The following FAM149A variants were observed in gnomAD, a reference collection of about 807,000 sequenced individuals.
FAM149A encodes the protein family with sequence similarity 149 member A.
A neutral mutation model predicts 78.2 loss-of-function variants in FAM149A; 71 were observed. The observed-to-expected ratio is 0.91, with a 90% CI of 0.75 to 1.11. The LOEUF is 1.11. Ranked by LOEUF, FAM149A falls within the 50% of genes least tolerant of loss-of-function variation. The pLI is 0.00. For synonymous variants in FAM149A, 446 were observed against 410.5 expected (o/e 1.09, Z -1.04); for missense variants, 1,036 against 971.0 (o/e 1.07, Z -0.89).
In FAM149A at chr4:186,160,725, TCACCACACCCCACACACACCA is replaced by T. The variant is rs1373937382; in HGVS notation, c.1576-2110_1576-2090del. ...CACTACCACACACCACACACACACC[TCACCACACCCCACACACACCA>T]CACCACACCACACACACACCACATC... On this transcript the variant is annotated intron_variant, in intron 8 of 13. Transcript: ENST00000389354. 1,126 of 860,858 alleles carry T rather than the reference TCACCACACCCCACACACACCA, an allele frequency of 1.3e-3. 8 individuals are homozygous for T. In the Middle Eastern group the frequency reaches 0.021, roughly 16 times the overall value. 53.3% of individuals were successfully genotyped at this position (860,858 alleles called of 1,614,324 possible).
rs1001827252 is a variant in FAM149A, at chr4:186,133,142, C to T, written c.567-16031C>T. Reference sequence around the variant, plus strand: ...AGTCATGTATTGTCTCGACTTCTTTCCACCCTACACACTACATTCTGCAAG... The same window carrying T: ...AGTCATGTATTGTCTCGACTTCTTTTCACCCTACACACTACATTCTGCAAG... On this transcript the variant is annotated intron_variant, in intron 1 of 13. Transcript: ENST00000389354. 18 of 985,350 alleles carry T rather than the reference C, an allele frequency of 1.8e-5. No individual in the cohort carries two copies. In the Admixed American group the frequency reaches 6.1e-4, roughly 34 times the overall value. 61.0% of individuals were successfully genotyped at this position (985,350 alleles called of 1,614,324 possible).
chr4:186,151,067 C>A (rs1473290351), intron 3 of FAM149A: 2 of 985,312 alleles, frequency 2.0e-6, no homozygotes, highest in Non-Finnish European at 2.4e-6. Flanking sequence ...CTTCTGTCCG[C>A]AGCTGTGCAG....
chr4:186,137,600 T>A (rs2099324012), intron 1 of FAM149A, among the ~76,000 whole-genome samples: 1 of 152,086 alleles, frequency 6.6e-6, no homozygotes, highest in African/African-American at 2.4e-5. Flanking sequence ...TTTTTTTTTT[T>A]ATAGTGATGA....
intron 5 of FAM149A, among the ~76,000 whole-genome samples, 195 bp downstream of exon 5, chr4:186,153,965 T>G (rs1429362421): frequency 1.3e-5 from 2 of 152,316 alleles, no homozygotes; most frequent in Admixed American, 1.3e-4. Flanking sequence ...TGTGTGTATA[T>G]AGAGAGATGT....
chr4:186,130,324 C>T (rs1381026173), intron 1 of FAM149A, among the ~76,000 whole-genome samples: 7 of 62,734 alleles, frequency 1.1e-4, no homozygotes, highest in Non-Finnish European at 2.3e-4. Flanking sequence ...TAATCTATAT[C>T]GACAGAACTA....
rs1006293989 is a variant in FAM149A at position 186,169,376 on chromosome 4, A to G, written c.2218+2114A>G. On this transcript the variant is annotated intron_variant, in intron 13 of 13. Coordinates refer to ENST00000389354, the MANE Select transcript of FAM149A (RefSeq NM_001367768.3). ...AGGCGTGACCTGTGATGTTGGTGCA[A>G]TGAGGCGCGTGCCCCATGCAGACGT... 57 of 985,414 alleles carry G rather than the reference A, an allele frequency of 5.8e-5. No homozygotes were observed. The African/African-American group carries it at 6.3e-4, about 11-fold the overall frequency. 61.0% of individuals were successfully genotyped at this position (985,414 alleles called of 1,614,324 possible).
chr4:186,123,866 T>C (rs2099317079), intron 1 of FAM149A: 1 of 978,420 alleles, frequency 1.0e-6, no homozygotes, highest in Non-Finnish European at 1.2e-6. Flanking sequence ...AATATTTATG[T>C]GACAATCACT....
At position 186,105,042 on chromosome 4, in the gene FAM149A, G is replaced by A; in HGVS notation, c.-35G>A. 1 of 1,263,824 alleles carries A rather than the reference G, an allele frequency of 7.9e-7. No homozygotes were observed. Among genetic ancestry groups the A allele is most frequent in the Non-Finnish European group, 1.0e-6 (1 of 977,752 alleles). 78.3% of individuals were successfully genotyped at this position (1,263,824 alleles called of 1,614,324 possible). On this transcript the variant is annotated 5_prime_UTR_variant, in exon 1 of 14. Transcript: ENST00000389354. ...CGGATCTCCGCGGTCTGAACTCTCG[G>A]GCGGCGGCGAGGACGGCGTGTCCAC...
At chr4:186,143,140 C>T (rs906655407) in intron 1 of FAM149A, among the ~76,000 whole-genome samples, 3 of 132,096 alleles carry the variant, frequency 2.3e-5, no homozygotes, top group Non-Finnish European at 4.7e-5. Flanking sequence ...ACTTTGTGTT[C>T]GATTTTTACT....
chr4:186,148,914 T>A (rs1733249964), intron 1 of FAM149A, among the ~76,000 whole-genome samples: 1 of 151,998 alleles, frequency 6.6e-6, no homozygotes, highest in Admixed American at 6.6e-5. Flanking sequence ...TCAGTTCACA[T>A]AAAGGTACAT....
intron 3 of FAM149A, among the ~76,000 whole-genome samples, chr4:186,150,203 A>T (rs996932743): frequency 2.6e-5 from 4 of 151,842 alleles, no homozygotes; most frequent in African/African-American, 9.7e-5. Context: ...CTCTGCCTCC[A>T]CTGCTCCAGC....
chr4:186,128,482 AAACC>A (rs914124267), intron 1 of FAM149A, among the ~76,000 whole-genome samples: 2 of 151,940 alleles, frequency 1.3e-5, no homozygotes, highest in Non-Finnish European at 2.9e-5. Context: ...ATAAAAAAAA[AAACC>A]AAAAAGAGCA....
chr4:186,108,922 A>C (rs1461950874), intron 1 of FAM149A, among the ~76,000 whole-genome samples: 1 of 147,546 alleles, frequency 6.8e-6, no homozygotes, highest in Admixed American at 6.9e-5. Context: ...ATCTCGGCTC[A>C]CTGCAAGCTC....
chr4:186,148,392 A>G lies in FAM149A; in HGVS notation c.567-781A>G, dbSNP rs571134784. Among the ~76,000 whole-genome samples the G allele has an allele frequency of 4.6e-5, 7 of 152,370 alleles. No individual in the cohort carries two copies. In the East Asian group the frequency reaches 9.6e-4, roughly 21 times the overall value. On this transcript the variant is annotated intron_variant, in intron 1 of 13. Transcript: ENST00000389354. ...TTGAAGTTTTTCCTGATTCATGACC[A>G]TATCTTATGTTAATATATGTTTTAT...
At position 186,104,788 on chromosome 4, in the gene FAM149A, C is replaced by T. The variant is rs1311316265; in HGVS notation, c.-289C>T. Among the ~76,000 whole-genome samples the T allele has an allele frequency of 2.8e-5, 4 of 145,318 alleles. No individual in the cohort carries two copies. The highest frequency in any genetic ancestry group is 8.1e-5 in the African/African-American group (3 of 37,114). On this transcript the variant is annotated 5_prime_UTR_variant, in exon 1 of 14. Transcript: ENST00000389354. Reference sequence around the variant, plus strand: ...GCGGGCGTCTGGGGCGGGCGGCGGCCGCGCTTCCCGGGGCTCCTGGCCCTT... The same window carrying T: ...GCGGGCGTCTGGGGCGGGCGGCGGCTGCGCTTCCCGGGGCTCCTGGCCCTT...
chr4:186,160,913 C>T, intron 8 of FAM149A: 1 of 976,218 alleles, frequency 1.0e-6, no homozygotes, highest in Non-Finnish European at 1.2e-6. Context: ...GTAAATCAGT[C>T]CCTGTTTCTC....
chr4:186,146,987 C>CA, intron 1 of FAM149A: 1 of 985,156 alleles, frequency 1.0e-6, no homozygotes, highest in Non-Finnish European at 1.2e-6. Context: ...AAGGTCACAA[C>CA]AAAAAGTTAA....
intron 1 of FAM149A, chr4:186,130,293 C>CTCTATATATATATA: frequency 9.7e-4 from 45 of 46,576 alleles, no homozygotes; most frequent in Middle Eastern, 0.015. Flanking sequence ...CTCTCTCTCT[C>CTCTATATATATATA]TATATATATA....
At position 186,108,922 on chromosome 4, in the gene FAM149A, A is replaced by G. The variant is rs1461950874; in HGVS notation, c.566+3280A>G. Among the ~76,000 whole-genome samples the G allele has an allele frequency of 1.0e-4, 15 of 147,546 alleles. No individual in the cohort carries two copies. In the Admixed American group the frequency reaches 1.0e-3, roughly 10 times the overall value. On this transcript the variant is annotated intron_variant, in intron 1 of 13. Transcript: ENST00000389354. ...GAGTGCAGTGGCGCGATCTCGGCTC[A>G]CTGCAAGCTCCGCCTCCTGGGTTCA...
Sources: allele counts gnomAD v4.1 joint callset (sites outside exome capture counted in the v4.1 genomes callset), GRCh38; gene constraint gnomAD v4.1.1; transcripts MANE v1.5; gene names NCBI Gene and HGNC (gene_info 2026-07-23, HGNC 2026-07-21).